The following GLRA2 variants were observed in gnomAD, a reference collection of about 807,000 sequenced individuals.
GLRA2 encodes the protein glycine receptor subunit alpha-2.
GLRA2 carries 11 observed loss-of-function variants against 31.6 expected under a neutral mutation model. The ratio of observed to expected loss-of-function variants is 0.35; its 90% CI spans 0.22 to 0.58. GLRA2 has a LOEUF of 0.58. GLRA2 is among the 20% of genes least tolerant of loss of function. The pLI is 0.84. For synonymous variants in GLRA2, 132 were observed against 134.0 expected (o/e 0.99, Z 0.10); for missense variants, 212 against 351.8 (o/e 0.60, Z 3.18).
chrX:14,683,161 T>C (rs1243552931), intron 7 of GLRA2, among the ~76,000 whole-genome samples: 1 of 111,946 alleles, frequency 8.9e-6, no homozygotes, highest in Non-Finnish European at 1.9e-5. Flanking sequence ...ATTTACAGTC[T>C]CACCAGCAGT....
chrX:14,497,936 A>T, the GLRA2 span, among the ~76,000 whole-genome samples: 1 of 111,301 alleles, frequency 9.0e-6, no homozygotes, highest in African/African-American at 3.3e-5. Flanking sequence ...ATGCATCACA[A>T]GTAAAGTACC....
chrX:14,618,441 CAG>C (rs1378696174), intron 7 of GLRA2, among the ~76,000 whole-genome samples: 2 of 111,409 alleles, frequency 1.8e-5, no homozygotes, highest in African/African-American at 6.5e-5. Context: ...ATGAATTAAA[CAG>C]AGATATAGTA....
the GLRA2 span, among the ~76,000 whole-genome samples, chrX:14,502,510 A>T: frequency 1.8e-5 from 2 of 111,639 alleles, no homozygotes; most frequent in African/African-American, 6.5e-5. Flanking sequence ...AATTCTTATG[A>T]TTTGTGTTGG....
intron 8 of GLRA2, among the ~76,000 whole-genome samples, chrX:14,712,729 A>C (rs928500798): frequency 1.8e-5 from 2 of 110,833 alleles, no homozygotes; most frequent in African/African-American, 6.6e-5. Flanking sequence ...ATGGGACTTA[A>C]CATGAAGTTC....
the GLRA2 span, among the ~76,000 whole-genome samples, chrX:14,502,884 A>AGG: frequency 6.3e-5 from 4 of 63,059 alleles, no homozygotes; most frequent in Admixed American, 1.7e-4. Context: ...ACAAAAATGC[A>AGG]AAAAAAAAAA....
intron 5 of GLRA2, among the ~76,000 whole-genome samples, 153 bp from the exon 6 acceptor site, chrX:14,606,978 T>G: frequency 8.9e-6 from 1 of 112,322 alleles, no homozygotes; most frequent in Non-Finnish European, 1.9e-5. Flanking sequence ...AGAGTTGTAG[T>G]GATGATTGCA....
chrX:14,701,242 A>C (rs1189248801), intron 8 of GLRA2, among the ~76,000 whole-genome samples: 2 of 111,147 alleles, frequency 1.8e-5, no homozygotes, highest in Non-Finnish European at 3.8e-5. Context: ...CATCGGACGT[A>C]GGGGAAATTG....
intron 8 of GLRA2, among the ~76,000 whole-genome samples, chrX:14,718,513 G>A (rs1040308608): frequency 8.9e-6 from 1 of 112,033 alleles, no homozygotes; most frequent in Non-Finnish European, 1.9e-5. Flanking sequence ...CTATGCTCAG[G>A]AATTTGTAAA....
chrX:14,585,331 C>A (rs2090068651), intron 4 of GLRA2, among the ~76,000 whole-genome samples: 1 of 111,298 alleles, frequency 9.0e-6, no homozygotes, highest in Non-Finnish European at 1.9e-5. Context: ...TCTAACAAGG[C>A]AGGTGGATGC....
chrX:14,510,844 A>C, the GLRA2 span, among the ~76,000 whole-genome samples: 3 of 112,016 alleles, frequency 2.7e-5, no homozygotes, highest in African/African-American at 9.7e-5. Flanking sequence ...CATTCTTATT[A>C]GTATCAATGC....
intron 2 of GLRA2, among the ~76,000 whole-genome samples, chrX:14,572,898 G>A (rs2089901967): frequency 8.9e-6 from 1 of 111,886 alleles, no homozygotes; most frequent in Non-Finnish European, 1.9e-5. Flanking sequence ...TTAGTAATAA[G>A]TATCCAAACT....
At chrX:14,497,667 AG>A in the GLRA2 span, among the ~76,000 whole-genome samples, 21 of 111,765 alleles carry the variant, frequency 1.9e-4, no homozygotes, top group African/African-American at 6.8e-4. Flanking sequence ...CTGTTTCATA[AG>A]GGGACATTTG....
the GLRA2 span, among the ~76,000 whole-genome samples, chrX:14,509,238 G>A: frequency 8.9e-6 from 1 of 112,429 alleles, no homozygotes; most frequent in African/African-American, 3.2e-5. Flanking sequence ...AAGCCAAAGT[G>A]AAATTTGATT....
the GLRA2 span, among the ~76,000 whole-genome samples, chrX:14,496,725 A>C: frequency 4.5e-5 from 5 of 112,239 alleles, no homozygotes; most frequent in South Asian, 1.1e-3. Flanking sequence ...TTACAGATGG[A>C]GGATTTAAGC....
At chrX:14,559,625 A>G (rs1176331705) in intron 2 of GLRA2, among the ~76,000 whole-genome samples, 5 of 107,222 alleles carry the variant, frequency 4.7e-5, no homozygotes, top group Non-Finnish European at 9.6e-5. Context: ...TGCCATGTTG[A>G]CCAGGCTGGT....
At chrX:14,690,105 C>T (rs1310248476) in intron 7 of GLRA2, among the ~76,000 whole-genome samples, 1 of 111,496 alleles carries the variant, frequency 9.0e-6, no homozygotes, top group African/African-American at 3.3e-5. Context: ...AAGAAAATTA[C>T]AAATTGGCTT....
intron 7 of GLRA2, among the ~76,000 whole-genome samples, chrX:14,674,760 T>TTCTC (rs766034159): frequency 9.2e-6 from 1 of 109,171 alleles, no homozygotes; most frequent in Non-Finnish European, 1.9e-5. Flanking sequence ...CTTTCTCCTT[T>TTCTC]TCTCTCTCTC....
chrX:14,659,571 C>T (rs775317709), intron 7 of GLRA2, among the ~76,000 whole-genome samples: 1 of 111,214 alleles, frequency 9.0e-6, no homozygotes, highest in East Asian at 2.8e-4. Context: ...TTGCATCCTG[C>T]TGAGTTAGCT....
intron 4 of GLRA2, among the ~76,000 whole-genome samples, chrX:14,599,390 C>T (rs1250833254): frequency 8.9e-6 from 1 of 112,130 alleles, no homozygotes; most frequent in African/African-American, 3.2e-5. Context: ...CAGGCAAGTT[C>T]GGAAGACTAC....
Sources: gnomAD v4.1 joint callset for allele counts (sites outside exome capture counted in the v4.1 genomes callset) on GRCh38, gnomAD v4.1.1 for gene constraint, MANE v1.5 for transcripts, NCBI Gene and HGNC (gene_info 2026-07-23, HGNC 2026-07-21) for gene names.